Variants in MLLT3 observed in about 807,000 individuals in gnomAD.
MLLT3 encodes the protein protein AF-9.
MLLT3 carries 4 observed loss-of-function variants against 53.2 expected under a neutral mutation model. The ratio of observed to expected loss-of-function variants is 0.08; its 90% CI spans 0.04 to 0.17. The LOEUF (loss-of-function observed/expected upper bound fraction) is 0.17. MLLT3 is among the 10% of genes least tolerant of loss of function. MLLT3 has a pLI of 1.00. For synonymous variants in MLLT3, 283 were observed against 230.6 expected, an observed-to-expected ratio of 1.23 and a Z score of -2.06; for missense variants, 569 against 684.0, an observed-to-expected ratio of 0.83 and a Z score of 1.87.
At chr9:20,530,346 AAG>A (rs1818299743) in intron 2 of MLLT3, among the ~76,000 whole-genome samples, 1 of 152,226 alleles carries the variant, frequency 6.6e-6, no homozygotes, top group South Asian at 2.1e-4. Context: ...ACTGTTAAGT[AAG>A]AGTTACTAAA....
At chr9:20,507,960 G>C (rs902835137) in intron 2 of MLLT3, among the ~76,000 whole-genome samples, 1 of 152,084 alleles carries the variant, frequency 6.6e-6, no homozygotes, top group Non-Finnish European at 1.5e-5. Context: ...GTTTACATGA[G>C]GGGAGAGGTA....
At chr9:20,545,115 A>T (rs990080263) in intron 2 of MLLT3, among the ~76,000 whole-genome samples, 2 of 151,238 alleles carry the variant, frequency 1.3e-5, no homozygotes, top group Non-Finnish European at 1.5e-5. Flanking sequence ...AAAAAAAAAA[A>T]AAAAAAAAGC....
chr9:20,371,689 G>A (rs979787679), intron 5 of MLLT3, among the ~76,000 whole-genome samples: 1 of 152,196 alleles, frequency 6.6e-6, no homozygotes, highest in African/African-American at 2.4e-5. Context: ...CTGGTCACCT[G>A]AAAGCTCTGC....
intron 5 of MLLT3, among the ~76,000 whole-genome samples, chr9:20,386,360 G>T (rs1233224795): frequency 6.6e-6 from 1 of 152,134 alleles, no homozygotes; most frequent in Non-Finnish European, 1.5e-5. Flanking sequence ...TACCTCTCTG[G>T]TCAGCAGTCC....
chr9:20,414,124 G>A lies in MLLT3; in HGVS notation c.722C>T (p.Pro241Leu). The A allele has an allele frequency of 1.9e-6, 3 of 1,613,652 alleles. No homozygotes were observed. Among genetic ancestry groups the A allele is most frequent in the Non-Finnish European group, 2.5e-6 (3 of 1,179,910 alleles). Residue 241 changes from proline (P) to leucine (L), a missense_variant, in exon 5 of 11, where the codon CCA (proline) becomes CTA (leucine). Transcript: ENST00000380338. ...ESSKKPKENK[P>L]LKEEKIVPKM... ...AGGAACTATTTTCTCTTCTTTCAGT[G>A]GTTTATTTTCTTTGGGTTTCTTAGA...
chr9:20,486,396 G>T (rs1004911523), intron 2 of MLLT3, among the ~76,000 whole-genome samples: 1 of 151,814 alleles, frequency 6.6e-6, no homozygotes, highest in Non-Finnish European at 1.5e-5. Flanking sequence ...AATAAGACTT[G>T]AATAAATAAA....
rs143216685 is a variant in MLLT3, at chr9:20,554,671, C to T, written c.193+65983G>A. Reference sequence around the variant, plus strand: ...TCAATCTGACAAGGATACCTACTTTCCCTCTGTAAAATACATGGGTGACAC... The same window carrying T: ...TCAATCTGACAAGGATACCTACTTTTCCTCTGTAAAATACATGGGTGACAC... On this transcript the variant is annotated intron_variant, in intron 2 of 10. Transcript: ENST00000380338. Among the ~76,000 whole-genome samples the T allele has an allele frequency of 1.1e-3, 167 of 152,292 alleles. 1 individual carries two copies. The highest frequency in any genetic ancestry group is 3.8e-3 in the African/African-American group (160 of 41,570).
intron 2 of MLLT3, among the ~76,000 whole-genome samples, chr9:20,563,778 T>A (rs540935646): frequency 6.6e-6 from 1 of 152,214 alleles, no homozygotes; most frequent in Non-Finnish European, 1.5e-5. Context: ...CTTCTTTATG[T>A]GGGAAAGACG....
chr9:20,413,696 A>G, intron 5 of MLLT3, 25 bp downstream of exon 5: 1 of 1,524,320 alleles, frequency 6.6e-7, no homozygotes, highest in Middle Eastern at 1.8e-4. Flanking sequence ...AAGGGAAAGG[A>G]AGAAAGCCAG....
Position 20,346,379 on chromosome 9 carries a change from C to CAAAAAAAAAAAAACAAAAAA in MLLT3, c.*63_*64insTTTTTTGTTTTTTTTTTTTT. 1 of 982,276 alleles carries CAAAAAAAAAAAAACAAAAAA rather than the reference C, an allele frequency of 1.0e-6. No homozygotes were observed. Among genetic ancestry groups the CAAAAAAAAAAAAACAAAAAA allele is most frequent in the South Asian group, 2.5e-5 (1 of 39,870 alleles). The allele number at this position is 982,276 out of a possible 1,614,324, so 60.8% of individuals were successfully genotyped here. On this transcript the variant is annotated 3_prime_UTR_variant, in exon 11 of 11. Transcript: ENST00000380338. The stretch of plus-strand genomic sequence containing the variant: ...AACAACAAGAACAAAAAATCACAAC[C>CAAAAAAAAAAAAACAAAAAA]AAAAAAAAAAAAAACCAAAAAAAAA...
At chr9:20,601,723 T>TG in intron 2 of MLLT3, among the ~76,000 whole-genome samples, 1 of 152,192 alleles carries the variant, frequency 6.6e-6, no homozygotes, top group East Asian at 1.9e-4. Flanking sequence ...TTTCTTTTTT[T>TG]GTTCCTTTGA....
At chr9:20,374,193 G>A (rs1466502955) in intron 5 of MLLT3, among the ~76,000 whole-genome samples, 1 of 152,120 alleles carries the variant, frequency 6.6e-6, no homozygotes, top group African/African-American at 2.4e-5. Flanking sequence ...GACCAGCCTG[G>A]GCAACACAGT....
intron 4 of MLLT3, among the ~76,000 whole-genome samples, chr9:20,423,440 A>G (rs542977314): frequency 2.0e-5 from 3 of 152,284 alleles, no homozygotes; most frequent in Admixed American, 2.0e-4. Context: ...GCAGGTGATT[A>G]AAAAATGCAA....
intron 5 of MLLT3, among the ~76,000 whole-genome samples, chr9:20,385,469 A>G (rs1174087384): frequency 6.6e-6 from 1 of 152,198 alleles, no homozygotes; most frequent in Non-Finnish European, 1.5e-5. Flanking sequence ...TCTTTATAAA[A>G]CAATTCTGTA....
At chr9:20,423,549 A>G (rs1321307119) in intron 4 of MLLT3, among the ~76,000 whole-genome samples, 1 of 152,066 alleles carries the variant, frequency 6.6e-6, no homozygotes, top group African/African-American at 2.4e-5. Context: ...ACAGTGGCTC[A>G]TACCTGTAAT....
At chr9:20,376,162 G>A (rs894871093) in intron 5 of MLLT3, among the ~76,000 whole-genome samples, 2 of 152,156 alleles carry the variant, frequency 1.3e-5, no homozygotes, top group Non-Finnish European at 2.9e-5. Flanking sequence ...GTGGAACCGG[G>A]GAAAGGACAC....
At chr9:20,550,115 C>T (rs1438440026) in intron 2 of MLLT3, among the ~76,000 whole-genome samples, 2 of 152,204 alleles carry the variant, frequency 1.3e-5, no homozygotes, top group African/African-American at 2.4e-5. Context: ...AATTCAAAAA[C>T]TCACAATCCC....
chr9:20,470,486 AATG>A (rs1824361119), intron 2 of MLLT3, among the ~76,000 whole-genome samples: 1 of 152,054 alleles, frequency 6.6e-6, no homozygotes, highest in African/African-American at 2.4e-5. Context: ...GATATCAGCT[AATG>A]AACTAAGTAA....
chr9:20,378,729 T>C (rs1821836585), intron 5 of MLLT3, among the ~76,000 whole-genome samples: 1 of 152,076 alleles, frequency 6.6e-6, no homozygotes, highest in Admixed American at 6.6e-5. Flanking sequence ...AAATGTTAAG[T>C]CCTAATAAAA....
Sources: gnomAD v4.1 joint callset for allele counts (sites outside exome capture counted in the v4.1 genomes callset) on GRCh38, gnomAD v4.1.1 for gene constraint, MANE v1.5 for transcripts, NCBI Gene and HGNC (gene_info 2026-07-23, HGNC 2026-07-21) for gene names.